Variants in IPMK observed in about 807,000 individuals in gnomAD.
IPMK encodes inositol polyphosphate multikinase.
IPMK carries 17 observed loss-of-function variants against 45.8 expected under a neutral mutation model. The ratio of observed to expected loss-of-function variants is 0.37; its 90% CI spans 0.25 to 0.56. IPMK has a LOEUF of 0.56. Ranked by LOEUF, IPMK falls within the 20% of genes least tolerant of loss-of-function variation. The pLI, the probability that IPMK is intolerant of heterozygous loss-of-function variation, is 0.79. For missense variants in IPMK, 399 were observed against 498.0 expected (o/e 0.80, Z 1.89); for synonymous variants, 180 against 184.3 (o/e 0.98, Z 0.19).
intron 3 of IPMK, among the ~76,000 whole-genome samples, chr10:58,223,431 G>C (rs528926023): frequency 1.2e-4 from 19 of 152,098 alleles, no homozygotes; most frequent in Non-Finnish European, 2.5e-4. Flanking sequence ...TAAAGGGAAG[G>C]CAACAGGGAG....
intron 1 of IPMK, among the ~76,000 whole-genome samples, chr10:58,244,462 G>A (rs1029764873): frequency 2.4e-4 from 19 of 78,074 alleles, no homozygotes; most frequent in Admixed American, 1.1e-3. Context: ...ACCTCTGCCC[G>A]GCCGCCGCCC....
intron 2 of IPMK, among the ~76,000 whole-genome samples, chr10:58,230,698 A>G (rs1166988369): frequency 6.6e-6 from 1 of 152,226 alleles, no homozygotes; most frequent in Non-Finnish European, 1.5e-5. Flanking sequence ...CCAAAGGTAG[A>G]TAAAACCACA....
intron 4 of IPMK, among the ~76,000 whole-genome samples, chr10:58,211,908 A>AAAAC (rs1765944819): frequency 6.7e-6 from 1 of 149,668 alleles, no homozygotes; most frequent in Non-Finnish European, 1.5e-5. Flanking sequence ...CACCAAAAAA[A>AAAAC]AAAAAAAAAA....
intron 3 of IPMK, 46 bp downstream of exon 3, chr10:58,226,997 A>G: frequency 3.1e-6 from 4 of 1,306,396 alleles, no homozygotes; most frequent in Non-Finnish European, 4.4e-6. Context: ...TAAAGAAGCT[A>G]CACTCATGAA....
intron 1 of IPMK, among the ~76,000 whole-genome samples, chr10:58,247,775 TG>T (rs934729515): frequency 2.8e-3 from 423 of 152,226 alleles, no homozygotes; most frequent in African/African-American, 9.7e-3. Context: ...CTGCACATTG[TG>T]CACATGTACC....
intron 3 of IPMK, among the ~76,000 whole-genome samples, chr10:58,217,459 C>A (rs1356740837): frequency 6.6e-6 from 1 of 151,470 alleles, no homozygotes. Context: ...GAGGCCGAGG[C>A]AGGTGGATCA....
chr10:58,245,090 T>A (rs61366424), intron 1 of IPMK, among the ~76,000 whole-genome samples: 50,329 of 148,436 alleles, frequency 0.34, 10,647 homozygotes, highest in African/African-American at 0.61. Flanking sequence ...ATAAAAAAAT[T>A]AAAAAATACA....
At chr10:58,197,392 T>C (rs1454141100) in intron 5 of IPMK, among the ~76,000 whole-genome samples, 1 of 146,308 alleles carries the variant, frequency 6.8e-6, no homozygotes, top group African/African-American at 2.6e-5. Flanking sequence ...GGCTCACGCC[T>C]GTAATCCCAG....
intron 4 of IPMK, among the ~76,000 whole-genome samples, chr10:58,204,381 C>T (rs2653505): frequency 0.34 from 51,444 of 151,890 alleles, 10,963 homozygotes; most frequent in African/African-American, 0.61. Flanking sequence ...AGCTTTTCCT[C>T]GTACGTCACC....
chr10:58,251,339 T>C (rs551070060), intron 1 of IPMK, among the ~76,000 whole-genome samples: 2 of 152,308 alleles, frequency 1.3e-5, no homozygotes, highest in African/African-American at 2.4e-5. Flanking sequence ...TTATTCTGTG[T>C]GGTCAGAAAG....
chr10:58,236,754 G>C (rs1288035437), intron 2 of IPMK, among the ~76,000 whole-genome samples: 1 of 151,782 alleles, frequency 6.6e-6, no homozygotes, highest in African/African-American at 2.4e-5. Context: ...AAAAAAAACT[G>C]TTTTAAAATT....
At chr10:58,248,096 A>G (rs1838828741) in intron 1 of IPMK, among the ~76,000 whole-genome samples, 1 of 152,170 alleles carries the variant, frequency 6.6e-6, no homozygotes, top group African/African-American at 2.4e-5. Context: ...AAGTGCAAAG[A>G]ATAAAAAACA....
chr10:58,203,358 C>A (rs1838023770), intron 4 of IPMK, among the ~76,000 whole-genome samples: 1 of 152,226 alleles, frequency 6.6e-6, no homozygotes, highest in African/African-American at 2.4e-5. Context: ...GCTCTGTCAC[C>A]CAGGCTGGAG....
chr10:58,253,747 A>G (rs1044663378), intron 1 of IPMK, among the ~76,000 whole-genome samples: 2 of 137,408 alleles, frequency 1.5e-5, no homozygotes, highest in Non-Finnish European at 3.0e-5. Context: ...AAAAAAAAAA[A>G]AAAGAAAAAA....
chr10:58,218,094 G>C (rs958248480), intron 3 of IPMK, among the ~76,000 whole-genome samples: 1 of 152,190 alleles, frequency 6.6e-6, no homozygotes, highest in Non-Finnish European at 1.5e-5. Flanking sequence ...AGAGAGCAGG[G>C]TTATAACTCT....
chr10:58,198,300 C>T (rs1246658954), intron 5 of IPMK, among the ~76,000 whole-genome samples: 1 of 152,096 alleles, frequency 6.6e-6, no homozygotes, highest in Non-Finnish European at 1.5e-5. Context: ...ATGTTTTAAC[C>T]TATCAGATTA....
chr10:58,264,151 G>T (rs545736889), intron 1 of IPMK, among the ~76,000 whole-genome samples: 2 of 152,312 alleles, frequency 1.3e-5, no homozygotes, highest in South Asian at 2.1e-4. Flanking sequence ...GAATATCCTT[G>T]TTCTTAAGGA....
chr10:58,244,306 T>G (rs1289543180), intron 1 of IPMK, among the ~76,000 whole-genome samples: 1 of 562 alleles, frequency 1.8e-3, no homozygotes, highest in East Asian at 0.05. Flanking sequence ...TGGGCGCCTC[T>G]GCCCAGGCCG....
chr10:58,267,041 A>G (rs1839157615), intron 1 of IPMK, among the ~76,000 whole-genome samples: 2 of 152,178 alleles, frequency 1.3e-5, no homozygotes, highest in African/African-American at 4.8e-5. Context: ...CTTTTGCAAT[A>G]GCTACTCGCC....
Sources: allele counts gnomAD v4.1 joint callset (sites outside exome capture counted in the v4.1 genomes callset), GRCh38; gene constraint gnomAD v4.1.1; transcripts MANE v1.5; gene names NCBI Gene and HGNC (gene_info 2026-07-23, HGNC 2026-07-21).